Variants in DTNB observed in about 807,000 individuals in gnomAD.
DTNB encodes the protein DTN-B.
Under a neutral mutation model 90.7 loss-of-function variants are expected in DTNB, and 63 were observed. The observed-to-expected ratio is 0.69, with a 90% CI of 0.57 to 0.86. DTNB has a LOEUF of 0.86. Among genes scored for constraint, DTNB ranks in the 40% least tolerant of loss-of-function variants. The pLI is 0.00. For synonymous variants in DTNB, 277 were observed against 286.7 expected, an observed-to-expected ratio of 0.97 and a Z score of 0.34; for missense variants, 744 against 807.1, an observed-to-expected ratio of 0.92 and a Z score of 0.95.
At chr2:25,412,042 CT>C (rs796595637) in intron 16 of DTNB, among the ~76,000 whole-genome samples, 21 of 152,332 alleles carry the variant, frequency 1.4e-4, no homozygotes, top group African/African-American at 4.1e-4. Flanking sequence ...CACCAACAAT[CT>C]CTTTAATGGC....
At chr2:25,495,331 G>A (rs2150506530) in intron 9 of DTNB, among the ~76,000 whole-genome samples, 1 of 152,298 alleles carries the variant, frequency 6.6e-6, no homozygotes, top group Non-Finnish European at 1.5e-5. Flanking sequence ...CTCCCAAAGT[G>A]CTAGGATTAC....
chr2:25,524,684 T>C (rs2076766136), intron 9 of DTNB, among the ~76,000 whole-genome samples: 1 of 152,110 alleles, frequency 6.6e-6, no homozygotes, highest in Non-Finnish European at 1.5e-5. Context: ...GGCTCTGAGC[T>C]GTCCCTACGC....
intron 16 of DTNB, among the ~76,000 whole-genome samples, chr2:25,410,289 G>A (rs1379328384): frequency 6.6e-6 from 1 of 151,838 alleles, no homozygotes; most frequent in African/African-American, 2.4e-5. Context: ...AATTTAGGAA[G>A]TAGGTAAGGA....
chr2:25,576,905 C>T lies in DTNB; in HGVS notation c.809G>A (p.Cys270Tyr). 6.2e-7 allele frequency: 1 copy of T among 1,613,336 alleles called. No homozygotes were observed. Among genetic ancestry groups the T allele is most frequent in the Non-Finnish European group, 8.5e-7 (1 of 1,179,696 alleles). The stretch of plus-strand genomic sequence containing the variant: ...GCCGCCGGCATGGCCACGCCAAAAG[C>T]AATTCTGGCAGAGCTGATAGTTGTG... ...QCHNYQLCQN[C>Y]FWRGHAGGPH... The change falls in exon 8 of 21, where the codon TGC becomes TAC. Residue 270 changes from cysteine (C) to tyrosine (Y), a missense_variant. By Grantham distance (194) the Cys-to-Tyr change is radical. Coordinates refer to ENST00000406818, the MANE Select transcript of DTNB (RefSeq NM_021907.5).
In DTNB at chr2:25,546,135, G is replaced by A. The variant is rs146589446; in HGVS notation, c.877-14538C>T. ...TACCTCAGGCAATAGACTGTGACTT[G>A]CATCAACCAATCAGAACTCAGCAAA... On this transcript the variant is annotated intron_variant, in intron 8 of 20. Transcript: ENST00000406818. Among the ~76,000 whole-genome samples the A allele has an allele frequency of 4.8e-3, 725 of 152,260 alleles. 4 individuals are homozygous for A. Among genetic ancestry groups the A allele is most frequent in the Non-Finnish European group, 6.5e-3 (441 of 68,030 alleles).
Position 25,576,873 on chromosome 2 carries a change from T to C in DTNB, c.841A>G (p.Ser281Gly), listed in dbSNP as rs529505111. 9 of 1,613,142 alleles carry C rather than the reference T, an allele frequency of 5.6e-6. No individual in the cohort carries two copies. The South Asian group carries it at 7.7e-5, about 14-fold the overall frequency. Residue 281 changes from serine to glycine, a missense_variant, in exon 8 of 21, where the codon AGC (serine) becomes GGC (glycine). Coordinates refer to ENST00000406818, the MANE Select transcript of DTNB (RefSeq NM_021907.5). ...TGCTCCTTCATCTGGTGCTGGTTGC[T>C]GTGAGGGCCGCCGGCATGGCCACGC... Reference protein sequence around the residue: ...FWRGHAGGPHSNQHQMKEHSS... With the variant: ...FWRGHAGGPHGNQHQMKEHSS...
intron 16 of DTNB, 53 bp from the exon 17 acceptor site, chr2:25,388,414 G>A: frequency 1.3e-6 from 2 of 1,540,310 alleles, no homozygotes; most frequent in Non-Finnish European, 1.8e-6. Flanking sequence ...ACCTCTTTGA[G>A]GAAGGAAGAA....
intron 4 of DTNB, among the ~76,000 whole-genome samples, chr2:25,609,666 ACACACACAC>A (rs2068036477): frequency 4.8e-5 from 2 of 41,832 alleles, no homozygotes; most frequent in Non-Finnish European, 1.0e-4. Context: ...GTACACACAC[ACACACACAC>A]ACACACACAC....
intron 5 of DTNB, among the ~76,000 whole-genome samples, chr2:25,603,409 G>A (rs534484291): frequency 1.1e-4 from 17 of 152,190 alleles, no homozygotes; most frequent in South Asian, 6.2e-4. Flanking sequence ...AGTTACCTCC[G>A]AATCTAGGAC....
At chr2:25,379,454 T>C in intron 19 of DTNB, 131 bp from the exon 20 acceptor site, 1 of 1,185,010 alleles carries the variant, frequency 8.4e-7, no homozygotes, top group Non-Finnish European at 1.1e-6. Flanking sequence ...TACTCGTTTG[T>C]TGACTTTTCC....
chr2:25,625,079 T>C (rs1310951947), intron 4 of DTNB, among the ~76,000 whole-genome samples: 2 of 152,222 alleles, frequency 1.3e-5, no homozygotes, highest in East Asian at 1.9e-4. Context: ...ACTCTCTTAT[T>C]ATAATGATCA....
intron 20 of DTNB, among the ~76,000 whole-genome samples, chr2:25,379,000 T>G (rs2036725025): frequency 6.6e-6 from 1 of 152,142 alleles, no homozygotes; most frequent in Admixed American, 6.5e-5. Context: ...ACACCCTGTT[T>G]CAGCCAGCAG....
intron 8 of DTNB, among the ~76,000 whole-genome samples, chr2:25,566,341 G>A (rs565599619): frequency 6.6e-6 from 1 of 152,268 alleles, no homozygotes; most frequent in African/African-American, 2.4e-5. Context: ...CTAAGCCCTA[G>A]GTGATAACTA....
intron 10 of DTNB, among the ~76,000 whole-genome samples, chr2:25,475,086 AG>A (rs1375842900): frequency 6.6e-6 from 1 of 152,220 alleles, no homozygotes; most frequent in Non-Finnish European, 1.5e-5. Context: ...CTCAAGTGAA[AG>A]GAAGAGTTGC....
At position 25,527,058 on chromosome 2, in the gene DTNB, C is replaced by T. The variant is rs541714350; in HGVS notation, c.1001+4415G>A. ...TATACTTCTCAAAGAAGAATCCTAA[C>T]ATAACTTGGGAAATATTTAGAAGTA... On this transcript the variant is annotated intron_variant, in intron 9 of 20. Coordinates refer to ENST00000406818, the MANE Select transcript of DTNB (RefSeq NM_021907.5). 5.3e-5 allele frequency among the ~76,000 whole-genome samples: 8 copies of T among 152,114 alleles called. No individual in the cohort carries two copies. The East Asian group carries it at 1.3e-3, about 26-fold the overall frequency.
At chr2:25,628,123 C>T in intron 4 of DTNB, 48 bp downstream of exon 4, 1 of 1,570,796 alleles carries the variant, frequency 6.4e-7, no homozygotes, top group South Asian at 1.1e-5. Context: ...GATTCAGAGA[C>T]AGGTGTTCTT....
intron 2 of DTNB, among the ~76,000 whole-genome samples, chr2:25,641,151 T>C (rs371802857): frequency 6.6e-6 from 1 of 152,094 alleles, no homozygotes; most frequent in South Asian, 2.1e-4. Flanking sequence ...TGAACATGCA[T>C]CACCATAAAG....
chr2:25,408,780 G>A (rs934711805), intron 16 of DTNB, among the ~76,000 whole-genome samples: 3 of 152,088 alleles, frequency 2.0e-5, no homozygotes, highest in African/African-American at 4.8e-5. Context: ...TTCCATGAAG[G>A]ACGCTCCAAA....
chr2:25,670,248 TC>T (rs2085510771), intron 1 of DTNB, among the ~76,000 whole-genome samples: 1 of 152,200 alleles, frequency 6.6e-6, no homozygotes, highest in Admixed American at 6.5e-5. Flanking sequence ...AAAACTCTGC[TC>T]TTTTTTTATT....
Sources: allele counts gnomAD v4.1 joint callset (sites outside exome capture counted in the v4.1 genomes callset), GRCh38; gene constraint gnomAD v4.1.1; transcripts MANE v1.5; gene names NCBI Gene and HGNC (gene_info 2026-07-23, HGNC 2026-07-21).